The following ELK4 variants were observed in gnomAD, a reference collection of about 807,000 sequenced individuals.
The protein encoded by ELK4 is ETS domain-containing protein Elk-4.
In ELK4, 16 loss-of-function variants were observed where a neutral mutation model predicts 29.6. The ratio of observed to expected loss-of-function variants is 0.54; its 90% CI spans 0.37 to 0.82. The LOEUF (loss-of-function observed/expected upper bound fraction) is 0.82. ELK4 is among the 40% of genes least tolerant of loss of function. The pLI is 0.00. For synonymous variants in ELK4, 213 were observed against 191.1 expected (o/e 1.11, Z -0.95); for missense variants, 465 against 507.1 (o/e 0.92, Z 0.80).
chr1:205,625,759 AC>A, intron 1 of ELK4: 2 of 657,038 alleles, frequency 3.0e-6, no homozygotes, highest in East Asian at 5.4e-5. Flanking sequence ...GCTCACTGCA[AC>A]CTCCGCCTCC....
chr1:205,631,635 C>G lies in ELK4; in HGVS notation c.-13G>C, dbSNP rs1670592788. 6.2e-6 allele frequency: 2 copies of G among 323,038 alleles called. No homozygotes were observed. The highest frequency in any genetic ancestry group is 2.1e-5 in the South Asian group (1 of 46,740). The allele number at this position is 323,038 out of a possible 1,614,324, so 20.0% of individuals were successfully genotyped here. ...GCGCGCGGGGCTGACCGCTCACCGA[C>G]GCCGCGCGCGGGGCTCCCCCTCGGT... is the stretch of plus-strand genomic sequence containing the variant. On this transcript the variant is annotated 5_prime_UTR_variant, in exon 1 of 5. Transcript: ENST00000357992.
intron 1 of ELK4, among the ~76,000 whole-genome samples, chr1:205,629,006 C>T (rs945721033): frequency 6.6e-6 from 1 of 151,868 alleles, no homozygotes; most frequent in African/African-American, 2.4e-5. Flanking sequence ...ACCCCCGTGT[C>T]TATTAAAAAT....
chr1:205,623,173 A>G (rs372802746), intron 2 of ELK4, among the ~76,000 whole-genome samples: 50 of 147,822 alleles, frequency 3.4e-4, no homozygotes, highest in Admixed American at 6.0e-4. Context: ...AAAAAAAAAA[A>G]AAGAAGAAGA....
chr1:205,619,253 G>C (rs888405348), intron 3 of ELK4, 180 bp from the exon 4 acceptor site: 2 of 1,062,546 alleles, frequency 1.9e-6, no homozygotes, highest in Non-Finnish European at 2.4e-6. Flanking sequence ...GAGGGATAAA[G>C]GTGATAATAA....
Position 205,620,270 on chromosome 1 carries a change from G to A in ELK4, c.776C>T (p.Pro259Leu). The A allele has an allele frequency of 6.2e-7, 1 of 1,614,180 alleles. No individual in the cohort carries two copies. Among genetic ancestry groups the A allele is most frequent in the South Asian group, 1.1e-5 (1 of 91,076 alleles). Reference sequence around the variant, plus strand: ...TGTTCTGGGAGGTTCCTGCAAAGGGGGTATGGACGAAATGGGTGGTGTGGT... The same window carrying A: ...TGTTCTGGGAGGTTCCTGCAAAGGGAGTATGGACGAAATGGGTGGTGTGGT... ...FATTPPISSI[P>L]PLQEPPRTPS... Residue 259 changes from proline (P) to leucine (L), a missense_variant, in exon 3 of 5, where the codon CCC (proline) becomes CTC (leucine). Physicochemically the swap from Pro to Leu is moderately conservative, Grantham distance 98 (BLOSUM62 -3). This residue lies in a region of ELK4 where 385 missense variants were observed against 387.5 expected (regional missense o/e 0.99). Coordinates refer to ENST00000357992, the MANE Select transcript of ELK4 (RefSeq NM_001973.4).
chr1:205,630,454 A>C lies in ELK4; in HGVS notation c.-10+1178T>G, dbSNP rs190702694. The stretch of plus-strand genomic sequence containing the variant: ...AACTATTTTTCAGAGACAGTAGCTA[A>C]GACCCAAAAAAACACAAAGTCTCCA... On this transcript the variant is annotated intron_variant, in intron 1 of 4. Transcript: ENST00000357992. Among the ~76,000 whole-genome samples the C allele has an allele frequency of 1.5e-3, 226 of 152,354 alleles. 1 individual carries two copies. Among genetic ancestry groups the C allele is most frequent in the African/African-American group, 3.9e-3 (161 of 41,586 alleles).
chr1:205,630,249 C>CTT (rs1558025180), intron 1 of ELK4, among the ~76,000 whole-genome samples: 1 of 152,132 alleles, frequency 6.6e-6, no homozygotes, highest in Admixed American at 6.5e-5. Context: ...GGGGTAAAGG[C>CTT]TGAAAACATA....
rs867873629 is a variant in ELK4, at chr1:205,613,861, C to T, written c.*2685G>A. The T allele has an allele frequency of 2.8e-5, 6 of 214,584 alleles. No homozygotes were observed. The highest frequency in any genetic ancestry group is 3.7e-4 in the South Asian group (2 of 5,356). 13.3% of individuals were successfully genotyped at this position (214,584 alleles called of 1,614,324 possible). On this transcript the variant is annotated 3_prime_UTR_variant, in exon 5 of 5. Coordinates refer to ENST00000357992, the MANE Select transcript of ELK4 (RefSeq NM_001973.4). ...CTGGCAAAGTGACTAGGGATGGATA[C>T]GAGCTACAGCTACCAATTACAAGTC...
chr1:205,619,637 C>T, intron 3 of ELK4: 2 of 1,331,976 alleles, frequency 1.5e-6, no homozygotes, highest in Non-Finnish European at 9.5e-7. Flanking sequence ...TTGAGATTAT[C>T]ACTGTTTGTT....
intron 1 of ELK4, chr1:205,625,566 C>A: frequency 1.1e-6 from 1 of 894,152 alleles, no homozygotes; most frequent in Non-Finnish European, 1.9e-6. Context: ...ATACCCGGAC[C>A]GGGTGCCGGT....
intron 3 of ELK4, chr1:205,619,361 T>G (rs571162141): frequency 1.1e-3 from 1,158 of 1,069,140 alleles, no homozygotes; most frequent in Non-Finnish European, 1.2e-3. Flanking sequence ...ATTCTGAGAT[T>G]CTGGTGCTCA....
Position 205,620,169 on chromosome 1 carries a change from G to T in ELK4, c.877C>A (p.Pro293Thr). Residue 293 changes from proline to threonine, a missense_variant, in exon 3 of 5, where the codon CCA becomes ACA. Transcript: ENST00000357992. ...TTAGGCTCCAGTGACAAATTCTCTG[G>T]AAGTTCCATTGGCTGAGAAGCCACT... The part of the protein sequence containing the change: ...DSVASQPMEL[P>T]ENLSLEPKDQ... The T allele has an allele frequency of 6.2e-7, 1 of 1,614,186 alleles. No homozygotes were observed. The highest frequency in any genetic ancestry group is 1.3e-5 in the African/African-American group (1 of 75,048).
chr1:205,617,877 G>A (rs1330001739), intron 4 of ELK4, among the ~76,000 whole-genome samples: 1 of 151,914 alleles, frequency 6.6e-6, no homozygotes, highest in African/African-American at 2.4e-5. Flanking sequence ...TTCTGGCCTG[G>A]ACAACAAGAG....
chr1:205,617,124 A>T (rs962972834), intron 4 of ELK4, among the ~76,000 whole-genome samples: 1 of 152,236 alleles, frequency 6.6e-6, no homozygotes, highest in Non-Finnish European at 1.5e-5. Flanking sequence ...GGCTGAAGCT[A>T]CAGGAGCACT....
intron 4 of ELK4, 147 bp downstream of exon 4, chr1:205,618,810 G>A: frequency 1.9e-6 from 1 of 517,376 alleles, no homozygotes; most frequent in Non-Finnish European, 3.3e-6. Flanking sequence ...GTGACATGGT[G>A]AGGACTCCAT....
Position 205,620,738 on chromosome 1 carries a change from C to G in ELK4, c.308G>C (p.Gly103Ala). ...ACTGAAGTTTAAACTTTCACAGTCACCCTCAATCCTGCCCACTGTCATTGG... is the reference window on the plus strand; with the variant it reads ...ACTGAAGTTTAAACTTTCACAGTCAGCCTCAATCCTGCCCACTGTCATTGG... ...MDPMTVGRIE[G>A]DCESLNFSEV... Residue 103 changes from glycine to alanine, a missense_variant, in exon 3 of 5, where the codon GGT (glycine) becomes GCT (alanine). This residue lies in a region of ELK4 where 385 missense variants were observed against 387.5 expected (regional missense o/e 0.99). Coordinates refer to ENST00000357992, the MANE Select transcript of ELK4 (RefSeq NM_001973.4). The G allele has an allele frequency of 6.2e-7, 1 of 1,614,088 alleles. No individual in the cohort carries two copies. The highest frequency in any genetic ancestry group is 8.5e-7 in the Non-Finnish European group (1 of 1,180,028).
chr1:205,622,857 G>A (rs2102381143), intron 2 of ELK4, among the ~76,000 whole-genome samples: 1 of 152,286 alleles, frequency 6.6e-6, no homozygotes, highest in Middle Eastern at 3.4e-3. Context: ...ATCTGGGGCA[G>A]CTGGCTGTGA....
intron 4 of ELK4, among the ~76,000 whole-genome samples, chr1:205,616,984 C>T (rs1310728664): frequency 1.3e-5 from 2 of 152,212 alleles, no homozygotes; most frequent in African/African-American, 4.8e-5. Context: ...ATATGCACTA[C>T]AGAGTGTAAT....
At position 205,620,309 on chromosome 1, in the gene ELK4, A is replaced by G. The variant is rs534588794; in HGVS notation, c.737T>C (p.Met246Thr). 3.1e-6 allele frequency: 5 copies of G among 1,614,190 alleles called. No homozygotes were observed. Among genetic ancestry groups the G allele is most frequent in the Non-Finnish European group, 4.2e-6 (5 of 1,180,020 alleles). The stretch of plus-strand genomic sequence containing the variant: ...GGGTGGTGTGGTGGCAAAAGCAGTC[A>G]TTACGTTAGAGGCAGAGGTTGGGGC... ...LEAPTSASNVMTAFATTPPIS... is the reference protein window; with the variant it reads ...LEAPTSASNVTTAFATTPPIS... The change falls in exon 3 of 5, where the codon ATG becomes ACG. Residue 246 changes from methionine to threonine, a missense_variant. Transcript: ENST00000357992.
Sources: gnomAD v4.1 joint callset for allele counts (sites outside exome capture counted in the v4.1 genomes callset) on GRCh38, gnomAD v4.1.1 for gene constraint, gnomAD v4.1.1 regional missense constraint, MANE v1.5 for transcripts, NCBI Gene and HGNC (gene_info 2026-07-23, HGNC 2026-07-21) for gene names.